PARG: variants seen among roughly 807,000 people sequenced by gnomAD.
PARG encodes poly(ADP-ribose) glycohydrolase.
A neutral mutation model predicts 113.0 loss-of-function variants in PARG; 35 were observed. That is an observed-to-expected ratio of 0.31 (90% CI 0.24 to 0.41). PARG has a LOEUF of 0.41. Among genes scored for constraint, PARG ranks in the 10% least tolerant of loss-of-function variants. PARG has a pLI of 1.00. For missense variants in PARG, 797 were observed against 1,169.4 expected, an observed-to-expected ratio of 0.68 and a Z score of 4.64; for synonymous variants, 330 against 409.9, an observed-to-expected ratio of 0.81 and a Z score of 2.36.
chr10:49,831,045 G>T (rs1488136499), intron 16 of PARG, among the ~76,000 whole-genome samples: 1 of 152,092 alleles, frequency 6.6e-6, no homozygotes, highest in Non-Finnish European at 1.5e-5. Flanking sequence ...TTGTTAGATG[G>T]ATAGTTGAAA....
chr10:49,818,459 T>C lies in PARG; in HGVS notation c.*881A>G, dbSNP rs1429280766. 2 of 152,616 alleles carry C rather than the reference T, an allele frequency of 1.3e-5. No individual in the cohort carries two copies. The highest frequency in any genetic ancestry group is 1.9e-4 in the East Asian group (1 of 5,200). 9.5% of individuals were successfully genotyped at this position (152,616 alleles called of 1,614,324 possible). ...TTTGAATACCAGAGAAACTTCAATA[T>C]GTACAAATCAGCATGAAGTTCCCAG... On this transcript the variant is annotated 3_prime_UTR_variant, in exon 18 of 18. Coordinates refer to ENST00000616448, the MANE Select transcript of PARG (RefSeq NM_003631.5).
intron 13 of PARG, 42 bp from the exon 14 acceptor site, chr10:49,843,674 G>T (rs1554832803): frequency 1.6e-6 from 2 of 1,267,952 alleles, no homozygotes; most frequent in Non-Finnish European, 1.1e-6. Context: ...ACACTTGATG[G>T]CAAAAACATT....
chr10:49,844,135 AT>A (rs782365448), intron 13 of PARG, among the ~76,000 whole-genome samples: 14 of 152,004 alleles, frequency 9.2e-5, no homozygotes, highest in Non-Finnish European at 1.8e-4. Context: ...ACAGAGCGAG[AT>A]TCAGTCTCAA....
At chr10:49,933,149 T>C in intron 3 of PARG, 28 bp downstream of exon 3, 3 of 1,471,194 alleles carry the variant, frequency 2.0e-6, no homozygotes, top group Non-Finnish European at 1.9e-6. Context: ...ATTATGCTAT[T>C]GGAGAGATAC....
intron 4 of PARG, among the ~76,000 whole-genome samples, chr10:49,931,181 T>C (rs1404508050): frequency 6.6e-6 from 1 of 152,088 alleles, no homozygotes; most frequent in East Asian, 1.9e-4. Flanking sequence ...CGTTATAGTC[T>C]TTTGTTATAA....
At chr10:49,835,110 A>G (rs1844851735) in intron 15 of PARG, among the ~76,000 whole-genome samples, 1 of 152,110 alleles carries the variant, frequency 6.6e-6, no homozygotes, top group South Asian at 2.1e-4. Flanking sequence ...TCCTTTTATG[A>G]GTAGGAATTG....
At chr10:49,895,000 T>C (rs1423305184) in intron 7 of PARG, among the ~76,000 whole-genome samples, 1 of 152,154 alleles carries the variant, frequency 6.6e-6, no homozygotes, top group Non-Finnish European at 1.5e-5. Context: ...TCCATCATCA[T>C]ATAAGCGTTT....
chr10:49,832,792 C>T lies in PARG; in HGVS notation c.2647+11G>A, dbSNP rs1042079970. 17 of 1,490,332 alleles carry T rather than the reference C, an allele frequency of 1.1e-5. No homozygotes were observed. Among genetic ancestry groups the T allele is most frequent in the Non-Finnish European group, 1.6e-5 (17 of 1,093,958 alleles). 92.3% of individuals were successfully genotyped at this position (1,490,332 alleles called of 1,614,324 possible). ...GGCAGAATGCTTTTATCCTTTTCTACAACAACTTACCTTTTAACCTGGCAT... is the reference window on the plus strand; with the variant it reads ...GGCAGAATGCTTTTATCCTTTTCTATAACAACTTACCTTTTAACCTGGCAT... On this transcript the variant is annotated intron_variant, in intron 16 of 17. Transcript: ENST00000616448.
At chr10:49,869,600 C>G (rs781907759) in intron 9 of PARG, 45 bp from the exon 10 acceptor site, 3 of 763,422 alleles carry the variant, frequency 3.9e-6, no homozygotes, top group Non-Finnish European at 4.6e-6. Flanking sequence ...AGTTAAAATG[C>G]CTTAATGATT....
At position 49,934,056 on chromosome 10, in the gene PARG, T is replaced by G; in HGVS notation, c.392A>C (p.Gln131Pro). Residue 131 changes from glutamine (Q) to proline (P), a missense_variant, in exon 3 of 18, where the codon CAG (glutamine) becomes CCG (proline). Gln to Pro is a moderately conservative substitution (Grantham distance 76). Transcript: ENST00000616448. ...HNVEKLENVS[Q>P]LSLDKSPTEK... Reference sequence around the variant, plus strand: ...AGTGGGTGACTTATCAAGACTTAGCTGAGAAACATTTTCTAATTTTTCTAC... The same window carrying G: ...AGTGGGTGACTTATCAAGACTTAGCGGAGAAACATTTTCTAATTTTTCTAC... 12 of 1,596,602 alleles carry G rather than the reference T, an allele frequency of 7.5e-6. No homozygotes were observed. The highest frequency in any genetic ancestry group is 1.0e-5 in the Non-Finnish European group (12 of 1,163,954).
rs1447300507 is a variant in PARG at position 49,818,858 on chromosome 10, A to C, written c.*482T>G. The C allele has an allele frequency of 6.6e-6, 1 of 152,496 alleles. No homozygotes were observed. Among genetic ancestry groups the C allele is most frequent in the Non-Finnish European group, 1.5e-5 (1 of 68,258 alleles). 9.4% of individuals were successfully genotyped at this position (152,496 alleles called of 1,614,324 possible). A position where few individuals can be genotyped will look rare whatever the true frequency, so the allele number is the denominator to read the frequency against. On this transcript the variant is annotated 3_prime_UTR_variant, in exon 18 of 18. Transcript: ENST00000616448. ...TAATTATTAATTTTCAGAATTTAAA[A>C]ACTTAAACAATGCAAGCATATTAAG...
At chr10:49,915,607 G>A (rs1458123112) in intron 7 of PARG, among the ~76,000 whole-genome samples, 1 of 151,994 alleles carries the variant, frequency 6.6e-6, no homozygotes, top group African/African-American at 2.4e-5. Flanking sequence ...GGTAAAACTG[G>A]ATGCAACCTG....
chr10:49,886,328 T>C (rs1200105552), intron 7 of PARG, among the ~76,000 whole-genome samples: 1 of 152,256 alleles, frequency 6.6e-6, no homozygotes, highest in African/African-American at 2.4e-5. Context: ...GGTAAAACCA[T>C]TTGTTTATCT....
At chr10:49,898,282 TA>T (rs1300455175) in intron 7 of PARG, among the ~76,000 whole-genome samples, 3 of 152,202 alleles carry the variant, frequency 2.0e-5, no homozygotes, top group Non-Finnish European at 4.4e-5. Flanking sequence ...TATTAATGTC[TA>T]ATGGGCCAGT....
chr10:49,836,542 T>C (rs988594721), intron 15 of PARG, among the ~76,000 whole-genome samples: 4 of 152,142 alleles, frequency 2.6e-5, no homozygotes, highest in Admixed American at 2.0e-4. Context: ...TCCTGATGTA[T>C]AAAATCCAAG....
intron 8 of PARG, among the ~76,000 whole-genome samples, chr10:49,883,818 A>C (rs1554839926): frequency 7.0e-6 from 1 of 143,684 alleles, no homozygotes; most frequent in African/African-American, 2.5e-5. Flanking sequence ...AAAAAAAAAA[A>C]AAAAAACAGG....
At chr10:49,889,748 G>C (rs1426139358) in intron 7 of PARG, among the ~76,000 whole-genome samples, 1 of 152,306 alleles carries the variant, frequency 6.6e-6, no homozygotes, top group South Asian at 2.1e-4. Flanking sequence ...AAACTGACAT[G>C]AGTGGCTACT....
At chr10:49,938,084 A>G (rs1239585434) in intron 1 of PARG, among the ~76,000 whole-genome samples, 3 of 152,108 alleles carry the variant, frequency 2.0e-5, no homozygotes, top group African/African-American at 7.3e-5. Context: ...GAAAAGATAC[A>G]AGATCTAGAG....
intron 15 of PARG, 82 bp from the exon 16 acceptor site, chr10:49,832,990 C>A: frequency 1.6e-6 from 1 of 609,370 alleles, no homozygotes; most frequent in Admixed American, 3.7e-5. Flanking sequence ...GATCAGTGTC[C>A]ATTATCAAGC....
Sources: allele counts gnomAD v4.1 joint callset (sites outside exome capture counted in the v4.1 genomes callset), GRCh38; gene constraint gnomAD v4.1.1; transcripts MANE v1.5; gene names NCBI Gene and HGNC (gene_info 2026-07-23, HGNC 2026-07-21).